The following SRRM4 variants were observed in gnomAD, a reference collection of about 807,000 sequenced individuals.
SRRM4 encodes the protein serine/arginine repetitive matrix protein 4.
In SRRM4, 33 loss-of-function variants were observed where a neutral mutation model predicts 68.9. That is an observed-to-expected ratio of 0.48 (90% confidence interval 0.36 to 0.64). SRRM4 has a LOEUF of 0.64. Among genes scored for constraint, SRRM4 ranks in the 30% least tolerant of loss-of-function variants. The probability of loss-of-function intolerance (pLI) is 0.00; values close to 1 mark genes in which losing one functional copy is unlikely to be tolerated. For missense variants in SRRM4, 817 were observed against 827.1 expected, an observed-to-expected ratio of 0.99 and a Z score of 0.15; for synonymous variants, 318 against 318.8, an observed-to-expected ratio of 1.00 and a Z score of 0.03.
chr12:119,069,847 G>A lies in SRRM4; in HGVS notation c.132-32389G>A, dbSNP rs142448150. Among the ~76,000 whole-genome samples the A allele has an allele frequency of 2.2e-4, 33 of 152,284 alleles. No homozygotes were observed. In the East Asian group the frequency reaches 5.8e-3, roughly 27 times the overall value. On this transcript the variant is annotated intron_variant, in intron 1 of 12. Coordinates refer to ENST00000267260, the MANE Select transcript of SRRM4 (RefSeq NM_194286.4). The stretch of plus-strand genomic sequence containing the variant: ...TAGACCCAGGCACGGCTAGCTCTGT[G>A]CATTTCCAACACTTTGGAGGATAAC...
intron 1 of SRRM4, among the ~76,000 whole-genome samples, chr12:118,987,709 C>T (rs1953290997): frequency 6.6e-6 from 1 of 152,094 alleles, no homozygotes; most frequent in African/African-American, 2.4e-5. Flanking sequence ...ACTTGGCACC[C>T]AGTCAGAGCT....
intron 1 of SRRM4, among the ~76,000 whole-genome samples, chr12:118,996,257 A>C (rs533055428): frequency 1.3e-5 from 2 of 152,326 alleles, no homozygotes; most frequent in South Asian, 4.1e-4. Context: ...GGTCCAAAGA[A>C]TCACAGGCAT....
chr12:119,031,095 T>TTCATGATCA (rs1052597961), intron 1 of SRRM4: 1 of 152,240 alleles, frequency 6.6e-6, no homozygotes, highest in Non-Finnish European at 1.5e-5. Flanking sequence ...CAGGTTAAGC[T>TTCATGATCA]GGTTCCTCTG....
intron 1 of SRRM4, among the ~76,000 whole-genome samples, chr12:119,064,639 T>C (rs2136023195): frequency 6.6e-6 from 1 of 152,300 alleles, no homozygotes; most frequent in South Asian, 2.1e-4. Context: ...CTTTTCAAAA[T>C]GAGGCTAAGA....
At chr12:119,045,531 G>A (rs1244716259) in intron 1 of SRRM4, among the ~76,000 whole-genome samples, 2 of 116,010 alleles carry the variant, frequency 1.7e-5, no homozygotes, top group Non-Finnish European at 3.2e-5. Flanking sequence ...CTGCTTCTCC[G>A]TCTTTGGTCT....
chr12:119,108,643 TTTG>T (rs544173962), intron 2 of SRRM4, among the ~76,000 whole-genome samples: 5,888 of 137,124 alleles, frequency 0.043, 121 homozygotes, highest in African/African-American at 0.063. Context: ...GCAACCCCTG[TTTG>T]TTTTTTTTTT....
chr12:118,987,456 G>A (rs192868298), intron 1 of SRRM4, among the ~76,000 whole-genome samples: 162 of 152,256 alleles, frequency 1.1e-3, no homozygotes, highest in African/African-American at 3.4e-3. Flanking sequence ...TGTGGCTTTG[G>A]TGCTCCCTAA....
At chr12:119,134,007 G>C (rs1435190891) in intron 8 of SRRM4, among the ~76,000 whole-genome samples, 1 of 152,104 alleles carries the variant, frequency 6.6e-6, no homozygotes, top group African/African-American at 2.4e-5. Flanking sequence ...CCAATGAAGG[G>C]GGAAAATAAA....
At chr12:118,992,623 T>C (rs1953324366) in intron 1 of SRRM4, among the ~76,000 whole-genome samples, 1 of 152,206 alleles carries the variant, frequency 6.6e-6, no homozygotes. Flanking sequence ...GGATGGTTGT[T>C]TGCTGCAGGA....
rs142298970 is a variant in SRRM4, at chr12:119,098,100, G to T, written c.132-4136G>T. ...CTCTCTTGGATTGATCATTGTCGGG[G>T]AAGCCAGCCGCCATGTTGTGAGGAT... On this transcript the variant is annotated intron_variant, in intron 1 of 12. Transcript: ENST00000267260. Among the ~76,000 whole-genome samples the T allele has an allele frequency of 8.7e-3, 1,330 of 152,302 alleles. 17 individuals are homozygous for T. The highest frequency in any genetic ancestry group is 0.03 in the African/African-American group (1,251 of 41,552).
intron 1 of SRRM4, among the ~76,000 whole-genome samples, chr12:119,002,009 A>G (rs578125348): frequency 3.0e-4 from 45 of 151,514 alleles, no homozygotes; most frequent in Non-Finnish European, 5.7e-4. Flanking sequence ...AAATCACACA[A>G]CTAGAAAATG....
chr12:119,031,331 G>A (rs948689029), intron 1 of SRRM4: 1 of 152,154 alleles, frequency 6.6e-6, no homozygotes, highest in Admixed American at 6.5e-5. Flanking sequence ...AGCTAGCAAT[G>A]GAAAGAGTCA....
chr12:119,001,671 A>C (rs1210441813), intron 1 of SRRM4: 2 of 152,334 alleles, frequency 1.3e-5, no homozygotes, highest in South Asian at 2.1e-4. Flanking sequence ...CCCCCATGAG[A>C]GAAAGTAACT....
intron 1 of SRRM4, among the ~76,000 whole-genome samples, chr12:119,028,247 G>A (rs1953561857): frequency 6.6e-6 from 1 of 152,210 alleles, no homozygotes; most frequent in South Asian, 2.1e-4. Context: ...TTGAACAGAT[G>A]TGAAAAGTGG....
chr12:119,020,950 GAGGCAGCGGGAA>G lies in SRRM4; in HGVS notation c.131+38940_131+38951del, dbSNP rs1953512495. On this transcript the variant is annotated intron_variant, in intron 1 of 12. Coordinates refer to ENST00000267260, the MANE Select transcript of SRRM4 (RefSeq NM_194286.4). ...CTTCTCGCCCGTAGAGGGCGCTGTA[GAGGCAGCGGGAA>G]AGTGATTCCTAGAGACGGTGGGGGG... Among the ~76,000 whole-genome samples the G allele has an allele frequency of 3.3e-5, 5 of 152,202 alleles. No individual in the cohort carries two copies. In the South Asian group the frequency reaches 8.3e-4, roughly 25 times the overall value.
rs753030901 is a variant in SRRM4, at chr12:119,156,647, GCCGGAC to G, written c.1689_1694del (p.Arg565_Thr566del). The G allele has an allele frequency of 3.8e-6, 6 of 1,587,176 alleles. No individual in the cohort carries two copies. Among genetic ancestry groups the G allele is most frequent in the Non-Finnish European group, 5.1e-6 (6 of 1,168,606 alleles). On this transcript the variant is annotated inframe_deletion, in exon 13 of 13. Coordinates refer to ENST00000267260, the MANE Select transcript of SRRM4 (RefSeq NM_194286.4). Reference sequence around the variant, plus strand: ...AGTCGGAGCCGGAGCCGGAGACGGAGCCGGACCCGCACGAGCAGCAGCTCTAGCTCC... The same window carrying G: ...AGTCGGAGCCGGAGCCGGAGACGGAGCCGCACGAGCAGCAGCTCTAGCTCC...
chr12:119,002,787 G>T (rs951836922), intron 1 of SRRM4, among the ~76,000 whole-genome samples: 15 of 151,966 alleles, frequency 9.9e-5, no homozygotes, highest in Non-Finnish European at 2.2e-4. Context: ...CCCTTCCCTG[G>T]GGCTAAGTAT....
At position 119,136,783 on chromosome 12, in the gene SRRM4, C is replaced by T. The variant is rs1333986368; in HGVS notation, c.771+5949C>T. On this transcript the variant is annotated intron_variant, in intron 8 of 12. Coordinates refer to ENST00000267260, the MANE Select transcript of SRRM4 (RefSeq NM_194286.4). ...GTGGGCAGGGGGTCCTCAGGAGAGG[C>T]TTCAAAGAAAGGGTGAGCCTGAAGC... 2.6e-5 allele frequency among the ~76,000 whole-genome samples: 4 copies of T among 152,116 alleles called. No homozygotes were observed. In the East Asian group the frequency reaches 7.7e-4, roughly 29 times the overall value.
intron 2 of SRRM4, among the ~76,000 whole-genome samples, chr12:119,110,244 G>A (rs1954134078): frequency 1.3e-5 from 2 of 152,186 alleles, no homozygotes; most frequent in Non-Finnish European, 1.5e-5. Context: ...TTACTGGGAG[G>A]TGCCTCCCAG....
Sources: gnomAD v4.1 joint callset for allele counts (sites outside exome capture counted in the v4.1 genomes callset) on GRCh38, gnomAD v4.1.1 for gene constraint, MANE v1.5 for transcripts, NCBI Gene and HGNC (gene_info 2026-07-23, HGNC 2026-07-21) for gene names.